Variants in KIAA0586 observed in about 807,000 individuals in gnomAD.
KIAA0586 encodes the protein protein TALPID3.
KIAA0586 carries 144 observed loss-of-function variants against 169.8 expected under a neutral mutation model. The ratio of observed to expected loss-of-function variants is 0.85; its 90% confidence interval spans 0.74 to 0.97. The LOEUF (loss-of-function observed/expected upper bound fraction) is 0.97. Among genes scored for constraint, KIAA0586 ranks in the 50% least tolerant of loss-of-function variants. The pLI is 0.00. For missense variants in KIAA0586, 1,854 were observed against 1,823.0 expected (o/e 1.02, Z -0.31); for synonymous variants, 625 against 612.4 (o/e 1.02, Z -0.30).
chr14:58,521,253 C>T, intron 29 of KIAA0586: 1 of 1,128,070 alleles, frequency 8.9e-7, no homozygotes, highest in South Asian at 1.2e-5. Flanking sequence ...CAAGACGGAT[C>T]CTCACTCCAT....
intron 6 of KIAA0586, among the ~76,000 whole-genome samples, chr14:58,445,126 TAC>T (rs140476366): frequency 0.019 from 2,802 of 143,910 alleles, 83 homozygotes; most frequent in African/African-American, 0.063. Context: ...CACACATACA[TAC>T]ACACACACAC....
chr14:58,468,826 C>T (rs1380279266), intron 16 of KIAA0586, among the ~76,000 whole-genome samples: 3 of 152,208 alleles, frequency 2.0e-5, no homozygotes, highest in East Asian at 1.9e-4. Flanking sequence ...TCCTTGCTTA[C>T]TTACAAATAA....
intron 30 of KIAA0586, among the ~76,000 whole-genome samples, chr14:58,543,506 T>C (rs1450243460): frequency 1.3e-5 from 2 of 152,166 alleles, no homozygotes; most frequent in Non-Finnish European, 2.9e-5. Context: ...CATTCTCTTA[T>C]CCCCTCTGCC....
At chr14:58,547,744 A>G in intron 30 of KIAA0586, 37 bp from the exon 31 acceptor site, 3 of 1,593,324 alleles carry the variant, frequency 1.9e-6, no homozygotes, top group Non-Finnish European at 2.6e-6. Context: ...TACTCAGGTT[A>G]CGCATGTTGA....
intron 17 of KIAA0586, among the ~76,000 whole-genome samples, chr14:58,471,850 A>G (rs1156504637): frequency 1.0e-5 from 1 of 99,644 alleles, no homozygotes; most frequent in Non-Finnish European, 2.2e-5. Flanking sequence ...GTGAGTTCAT[A>G]TATGTTTATA....
At chr14:58,465,712 T>C in intron 14 of KIAA0586, 123 bp from the exon 15 acceptor site, 1 of 584,168 alleles carries the variant, frequency 1.7e-6, no homozygotes, top group Non-Finnish European at 2.9e-6. Context: ...ACTTCTGTTT[T>C]GGGGCCTTGT....
chr14:58,538,128 C>G (rs1450072798), intron 29 of KIAA0586, among the ~76,000 whole-genome samples: 1 of 152,086 alleles, frequency 6.6e-6, no homozygotes, highest in Non-Finnish European at 1.5e-5. Context: ...TGCACTCCAG[C>G]CTGGGTGACA....
At chr14:58,459,400 T>C (rs2040144280) in intron 12 of KIAA0586, among the ~76,000 whole-genome samples, 1 of 152,180 alleles carries the variant, frequency 6.6e-6, no homozygotes, top group Non-Finnish European at 1.5e-5. Flanking sequence ...TCTTACTCTT[T>C]TGCAATGAAT....
intron 29 of KIAA0586, among the ~76,000 whole-genome samples, chr14:58,529,453 C>T (rs1297824012): frequency 1.3e-5 from 2 of 152,094 alleles, no homozygotes; most frequent in Non-Finnish European, 2.9e-5. Flanking sequence ...TGTAAAAATC[C>T]TCAATAAAAT....
At chr14:58,432,122 G>A (rs2037425582) in intron 3 of KIAA0586, among the ~76,000 whole-genome samples, 1 of 152,130 alleles carries the variant, frequency 6.6e-6, no homozygotes, top group African/African-American at 2.4e-5. Flanking sequence ...AGAGTGGTAA[G>A]AGTGGGCATC....
At chr14:58,468,016 T>C (rs185122276) in intron 16 of KIAA0586, 94 bp downstream of exon 16, 2 of 730,230 alleles carry the variant, frequency 2.7e-6, no homozygotes, top group African/African-American at 3.6e-5. Context: ...TTCATAAAAA[T>C]ATTGCTTTTG....
At position 58,512,534 on chromosome 14, in the gene KIAA0586, C is replaced by G; in HGVS notation, c.4336C>G (p.Gln1446Glu). 1 of 1,523,806 alleles carries G rather than the reference C, an allele frequency of 6.6e-7. No homozygotes were observed. Among genetic ancestry groups the G allele is most frequent in the South Asian group, 1.3e-5 (1 of 77,458 alleles). 94.4% of individuals were successfully genotyped at this position (1,523,806 alleles called of 1,614,324 possible). A position where few individuals can be genotyped will look rare whatever the true frequency, so the allele number is the denominator to read the frequency against. ...TTAAATTATTTAGTACCAACTAAAGCAAAATCAGGATGTTAAGCAAGTTGA... is the reference window on the plus strand; with the variant it reads ...TTAAATTATTTAGTACCAACTAAAGGAAAATCAGGATGTTAAGCAAGTTGA... ...AEDFSQYQLK[Q>E]NQDVKQVEHK... The change falls in exon 29 of 31, where the codon CAA (glutamine) becomes GAA (glutamate). Residue 1446 changes from glutamine to glutamate, a missense_variant. Transcript: ENST00000652326.
At chr14:58,539,747 T>A (rs1251814630) in intron 29 of KIAA0586, 1 of 199,190 alleles carries the variant, frequency 5.0e-6, no homozygotes, top group Non-Finnish European at 1.0e-5. Flanking sequence ...CTGTGAAAAC[T>A]TTTCACCTTT....
chr14:58,520,615 C>T (rs577863595), intron 29 of KIAA0586, among the ~76,000 whole-genome samples: 11 of 152,134 alleles, frequency 7.2e-5, no homozygotes, highest in African/African-American at 9.6e-5. Context: ...TCTGACCTCC[C>T]GGTCTCAAGC....
chr14:58,458,584 C>T (rs1162519083), intron 12 of KIAA0586, 39 bp downstream of exon 12: 1 of 1,153,520 alleles, frequency 8.7e-7, no homozygotes, highest in Non-Finnish European at 1.2e-6. Flanking sequence ...AGTGAATTCT[C>T]AGAAGATAAT....
chr14:58,428,234 T>G lies in KIAA0586; in HGVS notation c.-31T>G, dbSNP rs1263349836. The G allele has an allele frequency of 7.5e-6, 12 of 1,604,158 alleles. No homozygotes were observed. The highest frequency in any genetic ancestry group is 9.4e-6 in the Non-Finnish European group (11 of 1,175,808). ...GAAACAGAGAAAGTTTTTCCGTCCT[T>G]AAGTGTGGGACTTGTTTTGTGACCA... On this transcript the variant is annotated 5_prime_UTR_variant, in exon 1 of 31. Transcript: ENST00000652326.
rs1020004939 is a variant in KIAA0586 at position 58,459,862 on chromosome 14, A to G, written c.1676A>G (p.Asp559Gly). Residue 559 changes from aspartate (D) to glycine (G), a missense_variant, in exon 13 of 31, where the codon GAT (aspartate) becomes GGT (glycine). Transcript: ENST00000652326. ...AEIQDELSRT[D>G]YEQKRFDQKN... ...GTTAAGGATGAACTGTCAAGAACAG[A>G]TTATGAACAAAAAAGATTTGATCAG... 2.6e-6 allele frequency: 4 copies of G among 1,528,908 alleles called. No homozygotes were observed. The Admixed American group carries it at 5.9e-5, about 23-fold the overall frequency. 94.7% of individuals were successfully genotyped at this position (1,528,908 alleles called of 1,614,324 possible).
intron 3 of KIAA0586, among the ~76,000 whole-genome samples, chr14:58,431,440 T>A (rs1179429520): frequency 6.6e-6 from 1 of 152,084 alleles, no homozygotes; most frequent in South Asian, 2.1e-4. Context: ...TTTTTCTATT[T>A]TTTTTTTGTA....
At chr14:58,428,757 C>A (rs1370817107) in intron 1 of KIAA0586, among the ~76,000 whole-genome samples, 2 of 116,794 alleles carry the variant, frequency 1.7e-5, no homozygotes, top group South Asian at 2.7e-4. Flanking sequence ...GCTTTATTTT[C>A]CCCCACGTAG....
Sources: allele counts gnomAD v4.1 joint callset (sites outside exome capture counted in the v4.1 genomes callset), GRCh38; gene constraint gnomAD v4.1.1; transcripts MANE v1.5; gene names NCBI Gene and HGNC (gene_info 2026-07-23, HGNC 2026-07-21).